Variants in PRPF6 observed in about 807,000 individuals in gnomAD.
PRPF6 encodes pre-mRNA processing factor 6.
A neutral mutation model predicts 118.3 loss-of-function variants in PRPF6; 42 were observed. That is an observed-to-expected ratio of 0.35 (90% CI 0.28 to 0.46). The LOEUF is 0.46. Among genes scored for constraint, PRPF6 ranks in the 20% least tolerant of loss-of-function variants. PRPF6 has a pLI of 1.00. For missense variants in PRPF6, 662 were observed against 1,255.7 expected (o/e 0.53, Z 7.15); for synonymous variants, 481 against 485.1 (o/e 0.99, Z 0.11).
chr20:63,989,304 A>G (rs1341557410), intron 3 of PRPF6, among the ~76,000 whole-genome samples: 1 of 152,174 alleles, frequency 6.6e-6, no homozygotes, highest in Non-Finnish European at 1.5e-5. Flanking sequence ...TCTACAGGAC[A>G]TTGGACTAGG....
intron 2 of PRPF6, among the ~76,000 whole-genome samples, chr20:63,984,684 G>A (rs925849787): frequency 1.3e-5 from 2 of 152,232 alleles, no homozygotes; most frequent in South Asian, 2.1e-4. Context: ...ATTGCATTTC[G>A]TCATGTCTCC....
At chr20:63,983,895 C>A (rs115269899) in intron 2 of PRPF6, among the ~76,000 whole-genome samples, 2 of 152,246 alleles carry the variant, frequency 1.3e-5, no homozygotes, top group Admixed American at 1.3e-4. Context: ...TCAGGTTGTC[C>A]GCACGCTTCG....
chr20:64,031,374 A>G lies in PRPF6; in HGVS notation c.2547-544A>G, dbSNP rs935048997. ...GTTGGAAGATCTTTCCCTGCGTGTG[A>G]ATTTTTTAAGAAACAGTTTGGGACA... On this transcript the variant is annotated intron_variant, in intron 19 of 20. Transcript: ENST00000266079. Among the ~76,000 whole-genome samples the G allele has an allele frequency of 1.2e-4, 18 of 152,306 alleles. No individual in the cohort carries two copies. The East Asian group carries it at 3.3e-3, about 28-fold the overall frequency.
chr20:64,016,007 A>G (rs1440942850), intron 11 of PRPF6, among the ~76,000 whole-genome samples: 1 of 152,030 alleles, frequency 6.6e-6, no homozygotes, highest in Non-Finnish European at 1.5e-5. Flanking sequence ...TGTCTGTGCT[A>G]CTCGGGAGGC....
chr20:64,027,219 CT>C lies in PRPF6; in HGVS notation c.2205+62del. The C allele has an allele frequency of 1.3e-6, 2 of 1,593,854 alleles. No homozygotes were observed. The highest frequency in any genetic ancestry group is 8.6e-7 in the Non-Finnish European group (1 of 1,167,508). ...CCCGGCATTCACAAAACTGAGCCCC[CT>C]GGTGCAGGGTCATTGCCCTTCGCCT... On this transcript the variant is annotated intron_variant, in intron 16 of 20. Coordinates refer to ENST00000266079, the MANE Select transcript of PRPF6 (RefSeq NM_012469.4). The surrounding 1 kb of genome is among the most constrained non-coding windows in gnomAD (Gnocchi z 6.5).
At chr20:64,020,760 T>C (rs999463531) in intron 12 of PRPF6, among the ~76,000 whole-genome samples, 1 of 151,880 alleles carries the variant, frequency 6.6e-6, no homozygotes, top group Admixed American at 6.6e-5. Context: ...TAACTTTTTA[T>C]CGTGGTAAAT....
intron 12 of PRPF6, among the ~76,000 whole-genome samples, chr20:64,022,285 C>T (rs1322205744): frequency 6.6e-6 from 1 of 152,146 alleles, no homozygotes; most frequent in Non-Finnish European, 1.5e-5. Flanking sequence ...AAGTAGGTTT[C>T]CCAGTCCTGG....
chr20:64,024,514 T>C (rs777631459), intron 13 of PRPF6, 41 bp from the exon 14 acceptor site: 5 of 1,612,574 alleles, frequency 3.1e-6, no homozygotes, highest in Non-Finnish European at 4.2e-6. Flanking sequence ...TGTTCTGGTT[T>C]ATGGCCCTGC....
At chr20:63,988,313 C>CT (rs2059103734) in intron 3 of PRPF6, among the ~76,000 whole-genome samples, 1 of 145,024 alleles carries the variant, frequency 6.9e-6, no homozygotes, top group African/African-American at 2.6e-5. Flanking sequence ...GGGCAAGACT[C>CT]TGTCTCAAAA....
At chr20:64,032,159 G>A (rs1053104774) in intron 20 of PRPF6, 115 bp downstream of exon 20, 19 of 1,519,056 alleles carry the variant, frequency 1.3e-5, no homozygotes, top group Admixed American at 5.1e-5. Flanking sequence ...GCCCGGGGTC[G>A]GGAGGATGGA....
In PRPF6 at chr20:64,011,738, G is replaced by A. The variant is rs2123054572; in HGVS notation, c.1524+235G>A. Among the ~76,000 whole-genome samples, 1 of 152,360 alleles carries A rather than the reference G, an allele frequency of 6.6e-6. No individual in the cohort carries two copies. Among genetic ancestry groups the A allele is most frequent in the Non-Finnish European group, 1.5e-5 (1 of 68,042 alleles). On this transcript the variant is annotated intron_variant, in intron 11 of 20. Coordinates refer to ENST00000266079, the MANE Select transcript of PRPF6 (RefSeq NM_012469.4). The surrounding 1 kb of genome is among the most constrained non-coding windows in gnomAD (Gnocchi z 6.7). ...CACTTCAGAAGCCCTTTCAGTGTGT[G>A]CACACCTGACTGCATTTCTTTGCTA...
intron 8 of PRPF6, 43 bp from the exon 9 acceptor site, chr20:64,001,034 C>T (rs138412533): frequency 1.9e-6 from 3 of 1,607,486 alleles, no homozygotes; most frequent in East Asian, 2.2e-5. Context: ...TTGCGGCTTC[C>T]AGCCTGCACT....
chr20:64,023,300 C>T (rs1309383936), intron 13 of PRPF6, among the ~76,000 whole-genome samples: 1 of 152,222 alleles, frequency 6.6e-6, no homozygotes, highest in Non-Finnish European at 1.5e-5. Context: ...TTTTTGTGCT[C>T]AGAGGAGGTC....
intron 4 of PRPF6, 39 bp from the exon 5 acceptor site, chr20:63,994,877 G>T (rs2059134484): frequency 6.2e-7 from 1 of 1,613,412 alleles, no homozygotes; most frequent in African/African-American, 1.3e-5. Flanking sequence ...ATGAAATTCT[G>T]TCAGAGAATT....
intron 3 of PRPF6, among the ~76,000 whole-genome samples, chr20:63,992,541 G>A (rs1490337101): frequency 6.6e-6 from 1 of 152,158 alleles, no homozygotes; most frequent in Non-Finnish European, 1.5e-5. Flanking sequence ...ACAGGTGTAA[G>A]CCACCACGCC....
chr20:63,983,965 T>A (rs2059082783), intron 2 of PRPF6, among the ~76,000 whole-genome samples: 1 of 152,206 alleles, frequency 6.6e-6, no homozygotes, highest in Non-Finnish European at 1.5e-5. Context: ...CAGTCTTTAA[T>A]GATAAAAACT....
At chr20:64,004,176 A>G (rs1392112981) in intron 9 of PRPF6, among the ~76,000 whole-genome samples, 2 of 152,026 alleles carry the variant, frequency 1.3e-5, no homozygotes, top group Non-Finnish European at 2.9e-5. Context: ...AGATGGGAGT[A>G]TGCTGTTGGA....
intron 3 of PRPF6, among the ~76,000 whole-genome samples, chr20:63,991,041 C>T (rs1185722716): frequency 6.6e-6 from 1 of 152,100 alleles, no homozygotes; most frequent in African/African-American, 2.4e-5. Context: ...TAACCTTGGC[C>T]TCCCAAAGTG....
intron 20 of PRPF6, among the ~76,000 whole-genome samples, 171 bp downstream of exon 20, chr20:64,032,215 G>C (rs1249582701): frequency 6.6e-6 from 1 of 152,248 alleles, no homozygotes; most frequent in African/African-American, 2.4e-5. Flanking sequence ...CCACAAGGCA[G>C]TCTCTGCCTC....
Sources: gnomAD v4.1 joint callset for allele counts (sites outside exome capture counted in the v4.1 genomes callset) on GRCh38, gnomAD v4.1.1 for gene constraint, Gnocchi (gnomAD v3.1) non-coding constraint, MANE v1.5 for transcripts, NCBI Gene and HGNC (gene_info 2026-07-23, HGNC 2026-07-21) for gene names.